The following PDE2A variants were observed in gnomAD, a reference collection of about 807,000 sequenced individuals.
The protein encoded by PDE2A is phosphodiesterase 2A, also known as cGMP-dependent 3',5'-cyclic phosphodiesterase.
Under a neutral mutation model 133.6 loss-of-function variants are expected in PDE2A, and 53 were observed. The ratio of observed to expected loss-of-function variants is 0.40; its 90% CI spans 0.32 to 0.50. PDE2A has a LOEUF of 0.50. Ranked by LOEUF, PDE2A falls within the 20% of genes least tolerant of loss-of-function variation. The pLI is 0.73. For synonymous variants in PDE2A, 491 were observed against 490.2 expected (o/e 1.00, Z -0.02); for missense variants, 796 against 1,232.4 (o/e 0.65, Z 5.30).
chr11:72,592,119 C>A (rs1437545905), intron 6 of PDE2A, among the ~76,000 whole-genome samples: 1 of 152,180 alleles, frequency 6.6e-6, no homozygotes, highest in Admixed American at 6.5e-5. Flanking sequence ...ATCTTTCATA[C>A]TCTGTGAAGT....
At chr11:72,598,694 G>T in intron 4 of PDE2A, 1 of 1,282,430 alleles carries the variant, frequency 7.8e-7, no homozygotes, top group South Asian at 1.2e-5. Flanking sequence ...AAAAGGAGGG[G>T]GTGGCCTGCA....
chr11:72,602,471 A>T (rs554719105), intron 4 of PDE2A, among the ~76,000 whole-genome samples: 49 of 150,622 alleles, frequency 3.3e-4, no homozygotes, highest in African/African-American at 1.1e-3. Flanking sequence ...CCACACCCCC[A>T]CCTCCTCGGG....
chr11:72,609,443 C>T (rs1189135900), intron 2 of PDE2A, among the ~76,000 whole-genome samples: 1 of 152,154 alleles, frequency 6.6e-6, no homozygotes, highest in East Asian at 1.9e-4. Flanking sequence ...TTGAGAGTAG[C>T]AAGAGCCTAT....
In PDE2A at chr11:72,584,663, G is replaced by T. The variant is rs746900550; in HGVS notation, c.1425C>A (p.Ile475=). The T allele has an allele frequency of 6.2e-7, 1 of 1,613,312 alleles. No individual in the cohort carries two copies. The highest frequency in any genetic ancestry group is 1.3e-5 in the African/African-American group (1 of 74,952). The part of the protein sequence containing the change: ...IAGHVATTGQ[I]LNIPDAYAHP... ...GGGCATATGCGTCAGGGATGTTCAG[G>T]ATCTGGCCCGTGGTCGCCACGTGTC... Residue 475 remains isoleucine, a synonymous_variant, in exon 18 of 31, where the codon ATC becomes ATA. Coordinates refer to ENST00000334456, the MANE Select transcript of PDE2A (RefSeq NM_002599.5).
intron 27 of PDE2A, 28 bp from the exon 28 acceptor site, chr11:72,579,037 G>A: frequency 6.7e-7 from 1 of 1,495,672 alleles, no homozygotes; most frequent in Non-Finnish European, 9.3e-7. Context: ...GGGTCAAGGA[G>A]CGGGGCCCAG....
intron 2 of PDE2A, among the ~76,000 whole-genome samples, chr11:72,629,526 T>C (rs1034297637): frequency 3.9e-5 from 6 of 152,138 alleles, no homozygotes; most frequent in Non-Finnish European, 7.4e-5. Context: ...GCCATGGCAG[T>C]AAATAAATTA....
At position 72,674,221 on chromosome 11, in the gene PDE2A, C is replaced by T. The variant is rs539393927; in HGVS notation, c.-14G>A. The T allele has an allele frequency of 2.1e-5, 34 of 1,606,056 alleles. 1 individual carries two copies. The South Asian group carries it at 3.4e-4, about 16-fold the overall frequency. On this transcript the variant is annotated 5_prime_UTR_variant, in exon 1 of 31. Coordinates refer to ENST00000334456, the MANE Select transcript of PDE2A (RefSeq NM_002599.5). ...TGCCTGCCCCATCACTCCTCATCGT[C>T]CGCCTCCCCAGCCAGACTAAGGTGG...
intron 3 of PDE2A, among the ~76,000 whole-genome samples, chr11:72,605,697 A>T (rs1236716665): frequency 6.6e-6 from 1 of 152,164 alleles, no homozygotes; most frequent in Non-Finnish European, 1.5e-5. Flanking sequence ...ACACACCCAT[A>T]ACCCCAGCCA....
intron 1 of PDE2A, among the ~76,000 whole-genome samples, chr11:72,650,218 T>C (rs981240587): frequency 6.6e-6 from 1 of 152,094 alleles, no homozygotes; most frequent in African/African-American, 2.4e-5. Flanking sequence ...AGGCAGGGTT[T>C]CACCATGTTG....
chr11:72,584,193 G>T lies in PDE2A; in HGVS notation c.1650+8C>A, dbSNP rs766920443. ...CACCCCACACCCCACTCCCAACCCC[G>T]CCCTCACATGGGCGATGCTGATGCC... On this transcript the variant is annotated splice_region_variant and intron_variant, in intron 19 of 30. Coordinates refer to ENST00000334456, the MANE Select transcript of PDE2A (RefSeq NM_002599.5). 11 of 532,406 alleles carry T rather than the reference G, an allele frequency of 2.1e-5. No homozygotes were observed. The highest frequency in any genetic ancestry group is 1.4e-4 in the South Asian group (8 of 58,752). 33.0% of individuals were successfully genotyped at this position (532,406 alleles called of 1,614,324 possible). A position where few individuals can be genotyped will look rare whatever the true frequency, so the allele number is the denominator to read the frequency against.
At chr11:72,596,247 G>A (rs1229537783) in intron 6 of PDE2A, among the ~76,000 whole-genome samples, 1 of 152,122 alleles carries the variant, frequency 6.6e-6, no homozygotes, top group Non-Finnish European at 1.5e-5. Context: ...CAAGGTTAGT[G>A]CTGCGTACGC....
rs771747752 is a variant in PDE2A, at chr11:72,597,482, CTG to C, written c.433+26_433+27del. Reference sequence around the variant, plus strand: ...CCACAGTCCCTCCCTGCCCCTGCCCCTGCCCCTGCCCAGCCCCTAGCCCTTAC... The same window carrying C: ...CCACAGTCCCTCCCTGCCCCTGCCCCCCCCTGCCCAGCCCCTAGCCCTTAC... On this transcript the variant is annotated intron_variant, in intron 5 of 30. Transcript: ENST00000334456. This position sits in a 1 kb window ranked among gnomAD's most constrained non-coding sequence, Gnocchi z 4.6. The C allele has an allele frequency of 2.1e-6, 3 of 1,396,832 alleles. No individual in the cohort carries two copies. In the Admixed American group the frequency reaches 5.0e-5, roughly 23 times the overall value. The allele number at this position is 1,396,832 out of a possible 1,614,324, so 86.5% of individuals were successfully genotyped here.
At position 72,664,364 on chromosome 11, in the gene PDE2A, A is replaced by ATTTTTTTTTTTTTTTTTT. The variant is rs34217943; in HGVS notation, c.71+9755_71+9772dup. ...CAAAATAGGGCTAGCCCCTTGAAGG[A>ATTTTTTTTTTTTTTTTTT]TTTTTTTTTTTTTTTTTTTTTTTTT... On this transcript the variant is annotated intron_variant, in intron 1 of 30. Coordinates refer to ENST00000334456, the MANE Select transcript of PDE2A (RefSeq NM_002599.5). 3.4e-4 allele frequency among the ~76,000 whole-genome samples: 24 copies of ATTTTTTTTTTTTTTTTTT among 70,104 alleles called. 3 individuals carry two copies. Among genetic ancestry groups the ATTTTTTTTTTTTTTTTTT allele is most frequent in the African/African-American group, 1.3e-3 (22 of 16,584 alleles). The allele number at this position is 70,104 out of a possible 152,430, so 46.0% of individuals were successfully genotyped here. A position where few individuals can be genotyped will look rare whatever the true frequency, so the allele number is the denominator to read the frequency against.
In PDE2A at chr11:72,603,017, TTCCCCCAA is replaced by T. The variant is rs200238750; in HGVS notation, c.323+2113_323+2120del. ...CCAGAGAGAGCACTGGGCCTGGGCCTTCCCCCAATCCTTTTTCAGGTAGCAGCTGAGCC... is the reference window on the plus strand; with the variant it reads ...CCAGAGAGAGCACTGGGCCTGGGCCTTCCTTTTTCAGGTAGCAGCTGAGCC... On this transcript the variant is annotated intron_variant, in intron 4 of 30. Coordinates refer to ENST00000334456, the MANE Select transcript of PDE2A (RefSeq NM_002599.5). Among the ~76,000 whole-genome samples the T allele has an allele frequency of 2.5e-4, 38 of 152,296 alleles. No homozygotes were observed. In the East Asian group the frequency reaches 6.0e-3, roughly 24 times the overall value.
intron 1 of PDE2A, chr11:72,643,145 T>G (rs1389285639): frequency 6.6e-6 from 1 of 152,214 alleles, no homozygotes; most frequent in African/African-American, 2.4e-5. Context: ...AGCGCGTTTC[T>G]CCGCAGAGCG....
Position 72,590,617 on chromosome 11 carries a change from C to T in PDE2A, c.550-37G>A. ...CGAGCGGTTAGCGCGCCGCTCGCCC[C>T]AAGCTCGCTGCGCTTGCTGCAGCGG... On this transcript the variant is annotated intron_variant, in intron 7 of 30. Coordinates refer to ENST00000334456, the MANE Select transcript of PDE2A (RefSeq NM_002599.5). This position sits in a 1 kb window ranked among gnomAD's most constrained non-coding sequence, Gnocchi z 4.8. 1 of 1,339,716 alleles carries T rather than the reference C, an allele frequency of 7.5e-7. No individual in the cohort carries two copies. Among genetic ancestry groups the T allele is most frequent in the Non-Finnish European group, 9.5e-7 (1 of 1,050,850 alleles). The allele number at this position is 1,339,716 out of a possible 1,614,324, so 83.0% of individuals were successfully genotyped here.
intron 1 of PDE2A, among the ~76,000 whole-genome samples, chr11:72,662,110 G>A (rs769496223): frequency 5.3e-5 from 8 of 152,154 alleles, no homozygotes; most frequent in Non-Finnish European, 4.4e-5. Context: ...TTGTGGCCAG[G>A]TCCCTTATCT....
intron 20 of PDE2A, 41 bp from the exon 21 acceptor site, chr11:72,582,607 C>G (rs1187001696): frequency 6.3e-7 from 1 of 1,578,446 alleles, no homozygotes; most frequent in Admixed American, 1.8e-5. Flanking sequence ...CAGCCTTCAC[C>G]CCATCTGGTG....
At chr11:72,577,882 G>T (rs1855537830) in intron 30 of PDE2A, among the ~76,000 whole-genome samples, 2 of 152,240 alleles carry the variant, frequency 1.3e-5, no homozygotes, top group African/African-American at 4.8e-5. Context: ...TGAGGCAGGA[G>T]AATCGCTTGA....
Sources: gnomAD v4.1 joint callset for allele counts (sites outside exome capture counted in the v4.1 genomes callset) on GRCh38, gnomAD v4.1.1 for gene constraint, Gnocchi (gnomAD v3.1) non-coding constraint, MANE v1.5 for transcripts, NCBI Gene and HGNC (gene_info 2026-07-23, HGNC 2026-07-21) for gene names.